Variants in ESRP1 observed in about 807,000 individuals in gnomAD.
The protein encoded by ESRP1 is RNA-binding motif protein 35A.
In ESRP1, 33 loss-of-function variants were observed where a neutral mutation model predicts 81.7. That is an observed-to-expected ratio of 0.40 (90% confidence interval 0.31 to 0.54). ESRP1 has a LOEUF of 0.54. Ranked by LOEUF, ESRP1 falls within the 20% of genes least tolerant of loss-of-function variation. The probability of loss-of-function intolerance (pLI) is 0.41; values close to 1 mark genes in which losing one functional copy is unlikely to be tolerated. For synonymous variants in ESRP1, 320 were observed against 303.3 expected, an observed-to-expected ratio of 1.06 and a Z score of -0.57; for missense variants, 672 against 833.1, an observed-to-expected ratio of 0.81 and a Z score of 2.38.
chr8:94,694,591 G>A (rs1235461001), intron 14 of ESRP1, among the ~76,000 whole-genome samples: 3 of 152,160 alleles, frequency 2.0e-5, no homozygotes, highest in South Asian at 4.1e-4. Flanking sequence ...GTGACAGAAC[G>A]AGACTCTGTT....
intron 13 of ESRP1, 127 bp from the exon 14 acceptor site, chr8:94,692,550 G>T (rs1337331026): frequency 9.4e-5 from 93 of 993,906 alleles, no homozygotes; most frequent in Non-Finnish European, 5.8e-6. Flanking sequence ...TCTTAGGAAA[G>T]ACAGCTCTGA....
At chr8:94,662,474 T>G in intron 5 of ESRP1, 27 bp from the exon 6 acceptor site, 1 of 1,588,548 alleles carries the variant, frequency 6.3e-7, no homozygotes, top group South Asian at 1.2e-5. Flanking sequence ...ATCACTAAAA[T>G]GATGACTTTT....
At chr8:94,641,868 G>T (rs1817615435) in intron 1 of ESRP1, 88 bp from the exon 2 acceptor site, 1 of 1,552,744 alleles carries the variant, frequency 6.4e-7, no homozygotes, top group Admixed American at 1.8e-5. Context: ...AGAGGCGCGG[G>T]CCGCCCCAGC....
intron 11 of ESRP1, among the ~76,000 whole-genome samples, chr8:94,673,672 C>G (rs1819445371): frequency 6.6e-6 from 1 of 152,110 alleles, no homozygotes. Context: ...CCTGTTTGAC[C>G]AAGGTAGAGC....
intron 13 of ESRP1, among the ~76,000 whole-genome samples, chr8:94,681,047 A>G (rs1475465419): frequency 2.6e-5 from 4 of 151,740 alleles, no homozygotes; most frequent in South Asian, 4.2e-4. Flanking sequence ...TACTAAAAAT[A>G]AAAAACTGTG....
intron 15 of ESRP1, among the ~76,000 whole-genome samples, chr8:94,703,456 T>G (rs1010776571): frequency 1.3e-5 from 2 of 152,118 alleles, no homozygotes; most frequent in African/African-American, 4.8e-5. Flanking sequence ...GGCCTCAGTT[T>G]CATTGTTACA....
intron 4 of ESRP1, among the ~76,000 whole-genome samples, chr8:94,655,402 T>TA (rs71273355): frequency 2.0e-5 from 3 of 150,462 alleles, no homozygotes; most frequent in African/African-American, 7.3e-5. Flanking sequence ...TTTTTTTTTT[T>TA]AATTTTATTT....
intron 9 of ESRP1, among the ~76,000 whole-genome samples, chr8:94,667,040 T>G (rs116976442): frequency 0.014 from 1,985 of 142,652 alleles, 27 homozygotes; most frequent in Non-Finnish European, 0.017. Context: ...CCATCTCTAC[T>G]AATAATACAC....
chr8:94,646,438 T>G (rs1817854372), intron 4 of ESRP1, 156 bp downstream of exon 4: 1 of 532,054 alleles, frequency 1.9e-6, no homozygotes, highest in Non-Finnish European at 3.3e-6. Context: ...AATACAATTA[T>G]AGACATCTTT....
chr8:94,641,852 C>T (rs1279487801), intron 1 of ESRP1, 104 bp from the exon 2 acceptor site: 2 of 1,530,546 alleles, frequency 1.3e-6, no homozygotes, highest in East Asian at 2.3e-5. Flanking sequence ...GCGTCCGGAC[C>T]CCAAGAGAGG....
chr8:94,682,337 C>A (rs780373375), intron 13 of ESRP1, among the ~76,000 whole-genome samples: 2 of 152,058 alleles, frequency 1.3e-5, no homozygotes, highest in African/African-American at 4.8e-5. Context: ...GCTTTTCGTA[C>A]GACATTATAA....
chr8:94,681,517 A>G (rs1218101538), intron 13 of ESRP1, among the ~76,000 whole-genome samples: 1 of 149,588 alleles, frequency 6.7e-6, no homozygotes, highest in Non-Finnish European at 1.5e-5. Flanking sequence ...AGTATCTGTA[A>G]TCCCAGCTAC....
intron 14 of ESRP1, among the ~76,000 whole-genome samples, 177 bp downstream of exon 14, chr8:94,693,004 A>G (rs1267713931): frequency 7.0e-6 from 1 of 142,950 alleles, no homozygotes; most frequent in Non-Finnish European, 1.5e-5. Flanking sequence ...CTTCAGACTC[A>G]TCCCCTTGTC....
intron 13 of ESRP1, among the ~76,000 whole-genome samples, chr8:94,681,011 T>G (rs1320863802): frequency 6.6e-6 from 1 of 151,876 alleles, no homozygotes; most frequent in Non-Finnish European, 1.5e-5. Context: ...GACACCAGCC[T>G]GAGTCTCAAA....
At chr8:94,674,250 A>G in intron 11 of ESRP1, 58 bp from the exon 12 acceptor site, 5 of 1,555,018 alleles carry the variant, frequency 3.2e-6, no homozygotes, top group Non-Finnish European at 4.4e-6. Flanking sequence ...GTAAGCAACC[A>G]TTTCCTTGTT....
intron 4 of ESRP1, among the ~76,000 whole-genome samples, chr8:94,658,231 A>G (rs993446165): frequency 6.6e-6 from 1 of 152,134 alleles, no homozygotes; most frequent in Non-Finnish European, 1.5e-5. Context: ...TCTTAGTTCT[A>G]CAACTGTTTG....
intron 4 of ESRP1, among the ~76,000 whole-genome samples, chr8:94,653,918 G>A (rs1214550856): frequency 5.9e-5 from 9 of 152,156 alleles, no homozygotes; most frequent in East Asian, 1.9e-4. Flanking sequence ...GAGCCAAATC[G>A]GCATGGACAC....
At chr8:94,653,604 T>C (rs1818257611) in intron 4 of ESRP1, among the ~76,000 whole-genome samples, 2 of 152,188 alleles carry the variant, frequency 1.3e-5, no homozygotes, top group South Asian at 4.1e-4. Context: ...CATATAAATT[T>C]TTTTAACCTT....
rs1351009238 is a variant in ESRP1, at chr8:94,695,371, T to TTTTTTTTTTTTTTTTTC, written c.1972-1480_1972-1479insTTTTTTTTTTTTTTTCT. Reference sequence around the variant, plus strand: ...TTCTTTTTTTTTTTTTTTTTTTTTTTTGAGACGGAGTCTCACTCTGTCGCC... The same window carrying TTTTTTTTTTTTTTTTTC: ...TTCTTTTTTTTTTTTTTTTTTTTTTTTTTTTTTTTTTTTTTTCTGAGACGGAGTCTCACTCTGTCGCC... On this transcript the variant is annotated intron_variant, in intron 14 of 15. Transcript: ENST00000433389. Among the ~76,000 whole-genome samples, 65 of 111,992 alleles carry TTTTTTTTTTTTTTTTTC rather than the reference T, an allele frequency of 5.8e-4. 2 individuals are homozygous for TTTTTTTTTTTTTTTTTC. Among genetic ancestry groups the TTTTTTTTTTTTTTTTTC allele is most frequent in the Non-Finnish European group, 8.7e-4 (50 of 57,728 alleles). 73.5% of individuals were successfully genotyped at this position (111,992 alleles called of 152,430 possible). A position where few individuals can be genotyped will look rare whatever the true frequency, so the allele number is the denominator to read the frequency against.
Sources: gnomAD v4.1 joint callset for allele counts (sites outside exome capture counted in the v4.1 genomes callset) on GRCh38, gnomAD v4.1.1 for gene constraint, MANE v1.5 for transcripts, NCBI Gene and HGNC (gene_info 2026-07-23, HGNC 2026-07-21) for gene names.